The following DCC variants were observed in gnomAD, a reference collection of about 807,000 sequenced individuals.
The protein encoded by DCC is netrin receptor DCC.
In DCC, 58 loss-of-function variants were observed where a neutral mutation model predicts 172.5. That is an observed-to-expected ratio of 0.34 (90% CI 0.27 to 0.42). DCC has a LOEUF of 0.42. Among genes scored for constraint, DCC ranks in the 10% least tolerant of loss-of-function variants. DCC has a pLI of 1.00. For missense variants in DCC, 1,740 were observed against 1,791.0 expected (o/e 0.97, Z 0.51); for synonymous variants, 709 against 644.5 (o/e 1.10, Z -1.52).
At chr18:52,988,594 AC>A (rs1315415117) in intron 5 of DCC, among the ~76,000 whole-genome samples, 3 of 152,152 alleles carry the variant, frequency 2.0e-5, no homozygotes, top group African/African-American at 7.2e-5. Context: ...TTTTAAAAAA[AC>A]ATGGTAATAT....
chr18:52,747,700 C>T (rs1036502656), intron 1 of DCC, among the ~76,000 whole-genome samples: 2 of 152,076 alleles, frequency 1.3e-5, no homozygotes, highest in African/African-American at 4.8e-5. Flanking sequence ...AAGATTAATC[C>T]TTGGATGAAG....
intron 1 of DCC, among the ~76,000 whole-genome samples, chr18:52,345,697 A>G (rs1983847961): frequency 6.6e-6 from 1 of 152,228 alleles, no homozygotes; most frequent in African/African-American, 2.4e-5. Flanking sequence ...ACCCACAGGC[A>G]CTGTGTTTAA....
chr18:52,984,204 A>T (rs192958657), intron 5 of DCC, among the ~76,000 whole-genome samples: 2 of 152,276 alleles, frequency 1.3e-5, no homozygotes, highest in East Asian at 3.9e-4. Flanking sequence ...TATCTGTTAA[A>T]CACTGTAATT....
At chr18:53,180,686 C>G (rs191367744) in intron 9 of DCC, among the ~76,000 whole-genome samples, 2 of 152,062 alleles carry the variant, frequency 1.3e-5, no homozygotes, top group African/African-American at 4.8e-5. Flanking sequence ...ATTTTTGGGA[C>G]GGAGTCTCAC....
At chr18:53,366,062 G>GC (rs560010018) in intron 15 of DCC, among the ~76,000 whole-genome samples, 1 of 147,110 alleles carries the variant, frequency 6.8e-6, no homozygotes, top group Non-Finnish European at 1.5e-5. Context: ...ATACTTAATT[G>GC]TTTTTTTTTT....
chr18:52,962,992 T>C (rs1050825974), intron 5 of DCC, among the ~76,000 whole-genome samples: 20 of 149,942 alleles, frequency 1.3e-4, no homozygotes, highest in South Asian at 6.5e-4. Flanking sequence ...CATTTGGAGA[T>C]ATACCTAATG....
intron 2 of DCC, among the ~76,000 whole-genome samples, chr18:52,843,295 A>C (rs749454682): frequency 1.4e-4 from 21 of 152,070 alleles, no homozygotes; most frequent in Non-Finnish European, 2.6e-4. Context: ...TATATGAATA[A>C]TTTTTTTACC....
intron 13 of DCC, among the ~76,000 whole-genome samples, chr18:53,315,695 G>A (rs1017414081): frequency 4.6e-5 from 7 of 152,028 alleles, no homozygotes; most frequent in African/African-American, 1.2e-4. Flanking sequence ...GTTTTGATTA[G>A]CATTTCTCTA....
rs9946642 is a variant in DCC at position 53,034,662 on chromosome 18, T to C, written c.986-28643T>C. Among the ~76,000 whole-genome samples the C allele has an allele frequency of 6.4e-3, 971 of 152,070 alleles. 8 individuals carry two copies. The highest frequency in any genetic ancestry group is 0.022 in the African/African-American group (913 of 41,494). ...TTGACACAAGCAACCAGAGTGATCC[T>C]GATCAATCTGTCATATTAAGTCACT... On this transcript the variant is annotated intron_variant, in intron 5 of 28. Coordinates refer to ENST00000442544, the MANE Select transcript of DCC (RefSeq NM_005215.4).
chr18:53,151,631 T>G (rs534891311), intron 7 of DCC, among the ~76,000 whole-genome samples: 1 of 151,636 alleles, frequency 6.6e-6, no homozygotes, highest in East Asian at 1.9e-4. Context: ...CAATGTTATC[T>G]GGCAATTAAA....
rs1491277866 is a variant in DCC at position 53,351,335 on chromosome 18, G to GTA, written c.2359+11429_2359+11430insAT. Among the ~76,000 whole-genome samples the GTA allele has an allele frequency of 6.0e-3, 56 of 9,350 alleles. 10 individuals carry two copies. The highest frequency in any genetic ancestry group is 0.013 in the African/African-American group (54 of 4,156). The allele number at this position is 9,350 out of a possible 152,430, so 6.1% of individuals were successfully genotyped here. A position where few individuals can be genotyped will look rare whatever the true frequency, so the allele number is the denominator to read the frequency against. On this transcript the variant is annotated intron_variant, in intron 15 of 28. Coordinates refer to ENST00000442544, the MANE Select transcript of DCC (RefSeq NM_005215.4). ...TATATACACTGTATATATATATACA[G>GTA]TGTATATATATATACACAGTATATA...
At chr18:53,231,215 A>G (rs1315184188) in intron 12 of DCC, among the ~76,000 whole-genome samples, 1 of 152,100 alleles carries the variant, frequency 6.6e-6, no homozygotes, top group Non-Finnish European at 1.5e-5. Flanking sequence ...CTTTTTAGCC[A>G]AAGGAAGAAG....
intron 27 of DCC, among the ~76,000 whole-genome samples, chr18:53,516,983 A>G (rs1598838465): frequency 6.9e-6 from 1 of 145,668 alleles, no homozygotes; most frequent in Non-Finnish European, 1.5e-5. Context: ...ATGCTGCTAT[A>G]AAGACACATG....
intron 27 of DCC, among the ~76,000 whole-genome samples, chr18:53,510,135 C>T (rs147468391): frequency 1.4e-4 from 22 of 152,170 alleles, no homozygotes; most frequent in African/African-American, 4.8e-4. Flanking sequence ...TGTTGTCCTT[C>T]GAAAGGGGTC....
chr18:52,786,643 C>T (rs564343115), intron 2 of DCC, among the ~76,000 whole-genome samples: 2 of 152,140 alleles, frequency 1.3e-5, no homozygotes, highest in South Asian at 2.1e-4. Context: ...AAGCTGAGCC[C>T]GGCCATAGGT....
chr18:53,009,884 A>C (rs1381221513), intron 5 of DCC, among the ~76,000 whole-genome samples: 1 of 151,928 alleles, frequency 6.6e-6, no homozygotes. Context: ...CATTGTCACC[A>C]ATCTAATCAT....
intron 3 of DCC, among the ~76,000 whole-genome samples, chr18:52,912,498 T>G (rs2039984351): frequency 6.6e-6 from 1 of 152,038 alleles, no homozygotes. Context: ...ATTTCTGCAT[T>G]TTATTTTCAC....
intron 3 of DCC, among the ~76,000 whole-genome samples, chr18:52,909,274 A>C (rs1395316894): frequency 1.3e-5 from 2 of 152,178 alleles, no homozygotes; most frequent in Admixed American, 6.6e-5. Flanking sequence ...ACATACATGC[A>C]CATATACAAA....
At chr18:53,148,212 GC>G (rs1355203220) in intron 7 of DCC, among the ~76,000 whole-genome samples, 1 of 152,158 alleles carries the variant, frequency 6.6e-6, no homozygotes, top group Non-Finnish European at 1.5e-5. Context: ...TATCAGCAAC[GC>G]ATGTGTTCTT....
Sources: allele counts gnomAD v4.1 joint callset (sites outside exome capture counted in the v4.1 genomes callset), GRCh38; gene constraint gnomAD v4.1.1; transcripts MANE v1.5; gene names NCBI Gene and HGNC (gene_info 2026-07-23, HGNC 2026-07-21).